CILK1: variants seen among roughly 807,000 people sequenced by gnomAD.
CILK1 encodes the protein ciliogenesis associated kinase 1, also known as serine/threonine-protein kinase ICK.
A neutral mutation model predicts 79.2 loss-of-function variants in CILK1; 47 were observed. That is an observed-to-expected ratio of 0.59 (90% confidence interval 0.47 to 0.76). CILK1 has a LOEUF of 0.76. CILK1 is among the 30% of genes least tolerant of loss of function. The pLI, the probability that CILK1 is intolerant of heterozygous loss-of-function variation, is 0.00. For synonymous variants in CILK1, 266 were observed against 275.9 expected (o/e 0.96, Z 0.36); for missense variants, 660 against 769.5 (o/e 0.86, Z 1.68).
intron 5 of CILK1, among the ~76,000 whole-genome samples, chr6:53,024,518 T>G (rs1416798954): frequency 2.0e-5 from 3 of 152,242 alleles, no homozygotes; most frequent in Non-Finnish European, 4.4e-5. Context: ...TGATTGTGTG[T>G]TTCCATTTTG....
At chr6:53,027,612 A>G (rs1277211888) in intron 5 of CILK1, among the ~76,000 whole-genome samples, 4 of 152,156 alleles carry the variant, frequency 2.6e-5, no homozygotes, top group Non-Finnish European at 5.9e-5. Flanking sequence ...CTTTTTTTCC[A>G]TTGCTGAAGG....
At chr6:53,016,288 A>G (rs753359690) in intron 7 of CILK1, 38 bp from the exon 8 acceptor site, 31 of 1,608,166 alleles carry the variant, frequency 1.9e-5, no homozygotes, top group Non-Finnish European at 2.4e-5. Context: ...TGCTCAGCCA[A>G]TTGCTGTGAT....
intron 11 of CILK1, among the ~76,000 whole-genome samples, chr6:53,010,697 G>A (rs1581945560): frequency 6.6e-6 from 1 of 152,122 alleles, no homozygotes; most frequent in Admixed American, 6.5e-5. Flanking sequence ...TCAGCTCTCT[G>A]CACATTTGGT....
At chr6:53,009,791 A>C (rs1244071023) in intron 11 of CILK1, among the ~76,000 whole-genome samples, 1 of 152,138 alleles carries the variant, frequency 6.6e-6, no homozygotes, top group East Asian at 1.9e-4. Context: ...GATCCAATGG[A>C]TCTGTCCCAC....
intron 7 of CILK1, among the ~76,000 whole-genome samples, chr6:53,017,441 T>C (rs988019717): frequency 9.2e-5 from 14 of 152,206 alleles, no homozygotes; most frequent in Admixed American, 4.6e-4. Context: ...GAGGGTGTTA[T>C]GTGCAGAGCA....
chr6:53,041,290 G>T lies in CILK1; in HGVS notation c.-54C>A. ...CTCACGGCCGAAGTGGTTCAGTTCT[G>T]CAGTGGTAGCAGTCCTCCCCAGAGT... On this transcript the variant is annotated 5_prime_UTR_variant, in exon 2 of 14. An upstream open reading frame in the 5' UTR gains an earlier in-frame stop. Coordinates refer to ENST00000676107, the MANE Select transcript of CILK1 (RefSeq NM_014920.5). 1 of 1,203,684 alleles carries T rather than the reference G, an allele frequency of 8.3e-7. No homozygotes were observed. The highest frequency in any genetic ancestry group is 1.2e-6 in the Non-Finnish European group (1 of 812,588). The allele number at this position is 1,203,684 out of a possible 1,614,324, so 74.6% of individuals were successfully genotyped here. A position where few individuals can be genotyped will look rare whatever the true frequency, so the allele number is the denominator to read the frequency against.
intron 1 of CILK1, among the ~76,000 whole-genome samples, chr6:53,060,264 C>G (rs943225716): frequency 6.6e-6 from 1 of 152,140 alleles, no homozygotes; most frequent in Non-Finnish European, 1.5e-5. Context: ...AGTGAAAAGG[C>G]CTTTTCTTTG....
intron 5 of CILK1, among the ~76,000 whole-genome samples, chr6:53,019,820 G>GCTAGTT (rs746606599): frequency 2.7e-5 from 4 of 148,254 alleles, no homozygotes; most frequent in Non-Finnish European, 6.0e-5. Flanking sequence ...ATGGTGCCTG[G>GCTAGTT]CTAGTTTTTT....
At chr6:53,057,487 C>T (rs1412203560) in intron 1 of CILK1, among the ~76,000 whole-genome samples, 4 of 152,140 alleles carry the variant, frequency 2.6e-5, no homozygotes, top group African/African-American at 4.8e-5. Context: ...TACAAGTTCA[C>T]GCAGATAGTT....
Position 53,011,853 on chromosome 6 carries a change from G to A in CILK1, c.1408C>T (p.Gln470Ter). ...PVGTGNSAPTQTSYQRRDTPT... is the reference protein window; with the variant it reads ...PVGTGNSAPT Reference sequence around the variant, plus strand: ...GTGTCTCGCCGCTGATATGACGTCTGGGTGGGGGCACTGTTTCCTGTGCCC... The same window carrying A: ...GTGTCTCGCCGCTGATATGACGTCTAGGTGGGGGCACTGTTTCCTGTGCCC... The change falls in exon 11 of 14, where the codon CAG becomes TAG. Residue 470 changes from glutamine to a stop codon, truncating the protein, a stop_gained. Transcript: ENST00000676107. LOFTEE classifies it high-confidence loss of function. The A allele has an allele frequency of 6.2e-7, 1 of 1,614,160 alleles. No individual in the cohort carries two copies. Among genetic ancestry groups the A allele is most frequent in the East Asian group, 2.2e-5 (1 of 44,876 alleles).
intron 13 of CILK1, among the ~76,000 whole-genome samples, chr6:53,005,779 A>G (rs141080840): frequency 6.6e-6 from 1 of 152,114 alleles, no homozygotes; most frequent in East Asian, 1.9e-4. Context: ...AAAGCCCTCC[A>G]GGGACTCCAC....
chr6:53,058,286 G>T (rs1162689555), intron 1 of CILK1, among the ~76,000 whole-genome samples: 1 of 152,124 alleles, frequency 6.6e-6, no homozygotes, highest in Non-Finnish European at 1.5e-5. Flanking sequence ...CCACCTTGAG[G>T]TAGGCCTGAG....
At chr6:53,044,746 G>C (rs958537309) in intron 1 of CILK1, among the ~76,000 whole-genome samples, 1 of 152,152 alleles carries the variant, frequency 6.6e-6, no homozygotes, top group East Asian at 1.9e-4. Context: ...GAGGTCGTAA[G>C]GGTAGGGGTC....
chr6:53,006,479 T>C, intron 12 of CILK1, 42 bp from the exon 13 acceptor site: 2 of 1,606,872 alleles, frequency 1.2e-6, no homozygotes, highest in South Asian at 2.2e-5. Flanking sequence ...CAAAGACATG[T>C]ACCCAGGACA....
At chr6:53,026,334 A>G (rs182833115) in intron 5 of CILK1, among the ~76,000 whole-genome samples, 4 of 152,146 alleles carry the variant, frequency 2.6e-5, no homozygotes, top group Admixed American at 2.6e-4. Context: ...TTTTTAGTAG[A>G]GACGGGGTTT....
chr6:53,006,014 C>G (rs911005868), intron 13 of CILK1, among the ~76,000 whole-genome samples: 3 of 152,202 alleles, frequency 2.0e-5, no homozygotes, highest in African/African-American at 4.8e-5. Context: ...CAGGTCTCTA[C>G]TCAACAACTC....
intron 5 of CILK1, among the ~76,000 whole-genome samples, chr6:53,026,612 G>A (rs766149872): frequency 3.3e-5 from 5 of 152,190 alleles, no homozygotes; most frequent in Non-Finnish European, 5.9e-5. Flanking sequence ...CATCTGACAT[G>A]CTCCATCGGT....
chr6:53,031,850 TG>T (rs1765984191), intron 4 of CILK1, among the ~76,000 whole-genome samples: 1 of 152,202 alleles, frequency 6.6e-6, no homozygotes, highest in African/African-American at 2.4e-5. Context: ...CTTTTTTTTT[TG>T]AGATGGAGTT....
chr6:53,015,484 T>C (rs1311109109), intron 8 of CILK1, among the ~76,000 whole-genome samples: 1 of 152,238 alleles, frequency 6.6e-6, no homozygotes, highest in African/African-American at 2.4e-5. Context: ...GGATGAGTGA[T>C]TAGAGCAAAT....
Sources: gnomAD v4.1 joint callset for allele counts (sites outside exome capture counted in the v4.1 genomes callset) on GRCh38, gnomAD v4.1.1 for gene constraint, MANE v1.5 for transcripts, NCBI Gene and HGNC (gene_info 2026-07-23, HGNC 2026-07-21) for gene names.